The following TPCN2 variants were observed in gnomAD, a reference collection of about 807,000 sequenced individuals.
TPCN2 encodes two pore channel protein 2.
Under a neutral mutation model 111.4 loss-of-function variants are expected in TPCN2, and 92 were observed. The ratio of observed to expected loss-of-function variants is 0.83; its 90% CI spans 0.70 to 0.98. TPCN2 has a LOEUF of 0.98. TPCN2 is among the 50% of genes least tolerant of loss of function. The pLI is 0.00. For synonymous variants in TPCN2, 405 were observed against 414.5 expected (o/e 0.98, Z 0.28); for missense variants, 995 against 980.1 (o/e 1.02, Z -0.20).
intron 5 of TPCN2, among the ~76,000 whole-genome samples, chr11:69,058,462 G>T (rs867372969): frequency 2.0e-5 from 3 of 152,172 alleles, no homozygotes; most frequent in African/African-American, 7.2e-5. Context: ...CTGGGAGGGG[G>T]TGCTGTCTGG....
At chr11:69,086,431 A>C (rs1856278386) in intron 22 of TPCN2, 92 bp from the exon 23 acceptor site, 1 of 1,062,252 alleles carries the variant, frequency 9.4e-7, no homozygotes, top group Admixed American at 1.7e-5. Context: ...CGGCTGCCCG[A>C]GAGCTGTCCT....
intron 9 of TPCN2, among the ~76,000 whole-genome samples, chr11:69,070,761 C>T (rs1476431185): frequency 2.0e-5 from 3 of 147,652 alleles, no homozygotes; most frequent in African/African-American, 7.6e-5. Context: ...AGCTTCACCC[C>T]AGAGATCCCC....
chr11:69,064,173 G>A (rs113513360), intron 7 of TPCN2, among the ~76,000 whole-genome samples: 4 of 152,168 alleles, frequency 2.6e-5, no homozygotes, highest in African/African-American at 9.6e-5. Context: ...GTCTGCCCTG[G>A]GGTCTCCTGG....
chr11:69,074,580 GA>G (rs35340179), intron 13 of TPCN2, among the ~76,000 whole-genome samples: 66,120 of 151,946 alleles, frequency 0.44, 14,800 homozygotes, highest in Non-Finnish European at 0.5. Context: ...TGGGGCTCAG[GA>G]AGCAGCTCTT....
chr11:69,061,461 G>A (rs896978), intron 5 of TPCN2, among the ~76,000 whole-genome samples: 39,367 of 152,196 alleles, frequency 0.26, 5,404 homozygotes, highest in South Asian at 0.43. Flanking sequence ...AGTGGAGAGC[G>A]TGGATTTGAG....
chr11:69,088,267 C>G lies in TPCN2; in HGVS notation c.*314C>G. 3.1e-6 allele frequency: 1 copy of G among 318,876 alleles called. No homozygotes were observed. The highest frequency in any genetic ancestry group is 4.6e-5 in the South Asian group (1 of 21,618). The allele number at this position is 318,876 out of a possible 1,614,324, so 19.8% of individuals were successfully genotyped here. ...CAAGAAGCAGCGGCCTCCCCTGTCC[C>G]CTGCAGCTTCCGTGGTGCCTTTGCT... is the stretch of plus-strand genomic sequence containing the variant. On this transcript the variant is annotated 3_prime_UTR_variant, in exon 25 of 25. Transcript: ENST00000294309.
chr11:69,070,285 C>A (rs1855464114), intron 8 of TPCN2, 145 bp from the exon 9 acceptor site: 1 of 624,514 alleles, frequency 1.6e-6, no homozygotes, highest in Admixed American at 2.6e-5. Flanking sequence ...CTCAGCCTCC[C>A]AAAGTGCTGG....
intron 7 of TPCN2, among the ~76,000 whole-genome samples, chr11:69,065,471 A>G (rs1284794724): frequency 6.6e-6 from 1 of 152,082 alleles, no homozygotes; most frequent in Non-Finnish European, 1.5e-5. Context: ...AGCAAGGTGT[A>G]CCTTGTGTGA....
rs893709334 is a variant in TPCN2, at chr11:69,090,534, A to G, written c.*2581A>G. 1 of 152,252 alleles carries G rather than the reference A, an allele frequency of 6.6e-6. No individual in the cohort carries two copies. The highest frequency in any genetic ancestry group is 2.4e-5 in the African/African-American group (1 of 41,462). 9.4% of individuals were successfully genotyped at this position (152,252 alleles called of 1,614,324 possible). On this transcript the variant is annotated 3_prime_UTR_variant, in exon 25 of 25. Coordinates refer to ENST00000294309, the MANE Select transcript of TPCN2 (RefSeq NM_139075.4). ...GGCCTTTACAATCAGCAACAGCAAA[A>G]TCTACATGCTGCTGAGGGTCCTGCC...
intron 18 of TPCN2, among the ~76,000 whole-genome samples, chr11:69,083,487 A>G (rs1002133702): frequency 1.3e-5 from 2 of 152,204 alleles, no homozygotes; most frequent in African/African-American, 4.8e-5. Context: ...TCTCAGACTC[A>G]GTTCCTGCAG....
At chr11:69,052,655 G>T (rs57860567) in intron 1 of TPCN2, among the ~76,000 whole-genome samples, 1 of 152,048 alleles carries the variant, frequency 6.6e-6, no homozygotes, top group Non-Finnish European at 1.5e-5. Context: ...CCTCTAATCC[G>T]TCCAGGGCCC....
At position 69,090,111 on chromosome 11, in the gene TPCN2, T is replaced by C. The variant is rs1040992484; in HGVS notation, c.*2158T>C. ...AGGATGTGGGTGCGAGGCGTGCTCC[T>C]GGCTGTTGCAGATTGCTGCACCCGG... On this transcript the variant is annotated 3_prime_UTR_variant, in exon 25 of 25. Transcript: ENST00000294309. 6.6e-6 allele frequency: 1 copy of C among 152,240 alleles called. No homozygotes were observed. The highest frequency in any genetic ancestry group is 2.4e-5 in the African/African-American group (1 of 41,452). The allele number at this position is 152,240 out of a possible 1,614,324, so 9.4% of individuals were successfully genotyped here.
chr11:69,054,777 T>C lies in TPCN2; in HGVS notation c.231T>C (p.Tyr77=), dbSNP rs1565078981. The C allele has an allele frequency of 3.1e-6, 5 of 1,614,140 alleles. No individual in the cohort carries two copies. Among genetic ancestry groups the C allele is most frequent in the Non-Finnish European group, 3.4e-6 (4 of 1,179,998 alleles). The change falls in exon 3 of 25, where the codon TAT becomes TAC. Residue 77 remains tyrosine, a synonymous_variant. Coordinates refer to ENST00000294309, the MANE Select transcript of TPCN2 (RefSeq NM_139075.4). ...GCTCGATGTGGCTTTACCGACGGTA[T>C]TACTCGAACGTATGCCAACGGTGAG... is the stretch of plus-strand genomic sequence containing the variant. ...DASSMWLYRR[Y]YSNVCQRTLS... is the part of the protein sequence containing the mutation.
chr11:69,075,266 C>A (rs2134601265), intron 13 of TPCN2, among the ~76,000 whole-genome samples: 1 of 152,290 alleles, frequency 6.6e-6, no homozygotes, highest in Admixed American at 6.5e-5. Flanking sequence ...GAGGCCGTTG[C>A]CCCTCGGTAT....
chr11:69,054,736 C>T lies in TPCN2; in HGVS notation c.190C>T (p.His64Tyr). The change falls in exon 3 of 25, where the codon CAC (histidine) becomes TAC (tyrosine). Residue 64 changes from histidine (H) to tyrosine (Y), a missense_variant. By Grantham distance (83) the His-to-Tyr change is moderately conservative. Transcript: ENST00000294309. ...TCGCTTGTAGTACCGCTCCATCAAC[C>T]ACCGGGTGGATGCCAGCTCGATGTG... ...EDAIQYRSIN[H>Y]RVDASSMWLY... 1 of 1,614,184 alleles carries T rather than the reference C, an allele frequency of 6.2e-7. No homozygotes were observed. The highest frequency in any genetic ancestry group is 8.5e-7 in the Non-Finnish European group (1 of 1,180,016).
chr11:69,057,488 G>T, intron 4 of TPCN2, 90 bp from the exon 5 acceptor site: 1 of 1,244,940 alleles, frequency 8.0e-7, no homozygotes, highest in South Asian at 1.2e-5. Context: ...TGCTCTGGTC[G>T]CCTGGTCCCT....
intron 11 of TPCN2, 97 bp from the exon 12 acceptor site, chr11:69,072,530 A>C: frequency 7.9e-7 from 1 of 1,273,840 alleles, no homozygotes; most frequent in Non-Finnish European, 1.1e-6. Flanking sequence ...GCTTCATGGC[A>C]AAGCTCAAGC....
At chr11:69,067,686 A>G in intron 8 of TPCN2, 81 bp downstream of exon 8, 1 of 1,298,178 alleles carries the variant, frequency 7.7e-7, no homozygotes. Flanking sequence ...GAGCCTTAGA[A>G]CCCAGTGGGA....
In TPCN2 at chr11:69,072,689, A is replaced by G; in HGVS notation, c.1124A>G (p.His375Arg). Residue 375 changes from histidine to arginine, a missense_variant, in exon 12 of 25, where the codon CAC (histidine) becomes CGC (arginine). By Grantham distance (29) the His-to-Arg change is conservative. Transcript: ENST00000294309. ...CAGAAGGTCCAGCTGGACAGCTCCC[A>G]CAAACAGGCCATGATGGAGGTACCC... Reference protein sequence around the residue: ...VLQKVQLDSSHKQAMMEKVRS... With the variant: ...VLQKVQLDSSRKQAMMEKVRS... 6.2e-7 allele frequency: 1 copy of G among 1,613,814 alleles called. No individual in the cohort carries two copies. Among genetic ancestry groups the G allele is most frequent in the Non-Finnish European group, 8.5e-7 (1 of 1,179,998 alleles).
Sources: gnomAD v4.1 joint callset for allele counts (sites outside exome capture counted in the v4.1 genomes callset) on GRCh38, gnomAD v4.1.1 for gene constraint, MANE v1.5 for transcripts, NCBI Gene and HGNC (gene_info 2026-07-23, HGNC 2026-07-21) for gene names.